The following NAV3 variants were observed in gnomAD, a reference collection of about 807,000 sequenced individuals.
The protein encoded by NAV3 is neuron navigator 3, also known as pore membrane and/or filament interacting like protein 1.
Under a neutral mutation model 244.7 loss-of-function variants are expected in NAV3, and 87 were observed. The observed-to-expected ratio is 0.36, with a 90% confidence interval of 0.30 to 0.42. The LOEUF (loss-of-function observed/expected upper bound fraction) is 0.42. NAV3 is among the 20% of genes least tolerant of loss of function. NAV3 has a pLI of 1.00. For missense variants in NAV3, 2,663 were observed against 2,893.3 expected (o/e 0.92, Z 1.83); for synonymous variants, 1,126 against 1,042.2 (o/e 1.08, Z -1.55).
At position 78,177,233 on chromosome 12, in the gene NAV3, C is replaced by T. The variant is rs202227407; in HGVS notation, c.5217C>T (p.Ser1739=). Reference sequence around the variant, plus strand: ...ACATTGAAGAGCTTACTGATTCATCCCTTCCGGCATCCCCCAAGTTACCCC... The same window carrying T: ...ACATTGAAGAGCTTACTGATTCATCTCTTCCGGCATCCCCCAAGTTACCCC... ...HSDIEELTDS[S]LPASPKLPHN... The change falls in exon 27 of 40, where the codon TCC becomes TCT. Residue 1739 remains serine, a synonymous_variant. Coordinates refer to ENST00000397909, the MANE Select transcript of NAV3 (RefSeq NM_001024383.2). The T allele has an allele frequency of 1.0e-4, 166 of 1,613,418 alleles. No individual in the cohort carries two copies. The highest frequency in any genetic ancestry group is 1.2e-4 in the Non-Finnish European group (146 of 1,179,622).
intron 18 of NAV3, among the ~76,000 whole-genome samples, 166 bp from the exon 19 acceptor site, chr12:78,137,011 G>A (rs1956401375): frequency 1.3e-5 from 2 of 152,062 alleles, no homozygotes; most frequent in Admixed American, 6.6e-5. Context: ...GGGACGCAAT[G>A]GGATCTGTTA....
chr12:78,046,993 C>CT (rs912471628), intron 9 of NAV3, among the ~76,000 whole-genome samples: 3 of 152,162 alleles, frequency 2.0e-5, no homozygotes, highest in African/African-American at 7.2e-5. Context: ...CAATGTCCTT[C>CT]TTTGTCTTTT....
Position 78,127,156 on chromosome 12 carries a change from T to C in NAV3, c.4239-11T>C. ...ACATTATGTCCTTAGGGGTTTTCTT[T>C]GTTTTAACAGCATGCAGCTTGACAG... On this transcript the variant is annotated splice_polypyrimidine_tract_variant and intron_variant, in intron 16 of 39. Coordinates refer to ENST00000397909, the MANE Select transcript of NAV3 (RefSeq NM_001024383.2). 3 of 1,613,582 alleles carry C rather than the reference T, an allele frequency of 1.9e-6. No homozygotes were observed. Among genetic ancestry groups the C allele is most frequent in the Non-Finnish European group, 2.5e-6 (3 of 1,179,678 alleles).
intron 29 of NAV3, 123 bp downstream of exon 29, chr12:78,179,805 T>A: frequency 8.8e-7 from 1 of 1,135,864 alleles, no homozygotes; most frequent in Non-Finnish European, 1.2e-6. Context: ...GTACTCTGTT[T>A]ATTCAGTCTT....
intron 9 of NAV3, among the ~76,000 whole-genome samples, chr12:78,046,060 T>C (rs1397289471): frequency 1.3e-5 from 2 of 152,270 alleles, no homozygotes; most frequent in East Asian, 3.8e-4. Flanking sequence ...TTTGTATTTC[T>C]GTGGGATCAG....
Position 77,726,296 on chromosome 12 carries a change from A to G in NAV3, c.72+154030A>G, listed in dbSNP as rs188231379. ...TGAATATCTTTTTCACAGCCACAGAACACTACAAGGAAAGAATTTACCATC... is the reference window on the plus strand; with the variant it reads ...TGAATATCTTTTTCACAGCCACAGAGCACTACAAGGAAAGAATTTACCATC... On this transcript the variant is annotated intron_variant, in intron 2 of 8. Coordinates refer to the NAV3 transcript ENST00000550042. Among the ~76,000 whole-genome samples, 64 of 152,092 alleles carry G rather than the reference A, an allele frequency of 4.2e-4. 1 individual carries two copies. Among genetic ancestry groups the G allele is most frequent in the Non-Finnish European group, 2.2e-4 (15 of 67,920 alleles).
chr12:78,152,793 A>T (rs1475109492), intron 22 of NAV3, among the ~76,000 whole-genome samples: 2 of 152,020 alleles, frequency 1.3e-5, no homozygotes, highest in Non-Finnish European at 2.9e-5. Context: ...TTAAATCTAC[A>T]GTTCCCATTT....
chr12:78,034,570 T>C (rs1411413773), intron 9 of NAV3, among the ~76,000 whole-genome samples: 1 of 152,228 alleles, frequency 6.6e-6, no homozygotes, highest in Non-Finnish European at 1.5e-5. Context: ...ATTGCTTTTA[T>C]TTACAGATGA....
intron 1 of NAV3, among the ~76,000 whole-genome samples, chr12:77,920,518 C>G (rs1887608646): frequency 6.6e-6 from 1 of 151,908 alleles, no homozygotes; most frequent in Non-Finnish European, 1.5e-5. Context: ...CCAAAAAAAC[C>G]CTTCATGACA....
At chr12:77,590,711 TG>T (rs1691954946) in intron 2 of NAV3, among the ~76,000 whole-genome samples, 2 of 152,224 alleles carry the variant, frequency 1.3e-5, no homozygotes, top group South Asian at 4.1e-4. Context: ...TGCTCATTCA[TG>T]GAGATTATAA....
chr12:77,970,156 A>T (rs1481008215), intron 5 of NAV3, among the ~76,000 whole-genome samples: 1 of 152,130 alleles, frequency 6.6e-6, no homozygotes, highest in African/African-American at 2.4e-5. Flanking sequence ...ATTTTTCTTG[A>T]GGAGAGAGGA....
chr12:78,018,509 A>T (rs1471338555), intron 8 of NAV3, among the ~76,000 whole-genome samples: 1 of 152,202 alleles, frequency 6.6e-6, no homozygotes, highest in Non-Finnish European at 1.5e-5. Context: ...ATCTTTTTTA[A>T]CTAACATGGC....
At chr12:78,020,675 TG>T (rs1877000010) in intron 8 of NAV3, among the ~76,000 whole-genome samples, 2 of 152,308 alleles carry the variant, frequency 1.3e-5, no homozygotes, top group Admixed American at 6.5e-5. Flanking sequence ...CTAATATCAA[TG>T]ATTACTTTTT....
intron 2 of NAV3, among the ~76,000 whole-genome samples, chr12:77,588,932 G>T (rs189300965): frequency 5.3e-5 from 8 of 152,286 alleles, no homozygotes; most frequent in African/African-American, 7.2e-5. Context: ...AATGAAGGCA[G>T]TGGTCTGAAT....
intron 2 of NAV3, among the ~76,000 whole-genome samples, chr12:77,787,634 G>C (rs1870967016): frequency 6.6e-6 from 1 of 152,128 alleles, no homozygotes; most frequent in Non-Finnish European, 1.5e-5. Context: ...AGCAGCGAGG[G>C]GGAAGCTGCC....
intron 1 of NAV3, among the ~76,000 whole-genome samples, chr12:77,849,130 T>A (rs1286448779): frequency 6.6e-6 from 1 of 152,204 alleles, no homozygotes; most frequent in African/African-American, 2.4e-5. Flanking sequence ...AAAATTAAAT[T>A]TATTTAAACT....
At chr12:78,140,877 T>A (rs1298030324) in intron 20 of NAV3, among the ~76,000 whole-genome samples, 1 of 151,538 alleles carries the variant, frequency 6.6e-6, no homozygotes, top group Non-Finnish European at 1.5e-5. Flanking sequence ...CTTTTATTTT[T>A]ATTTTATTTT....
intron 7 of NAV3, among the ~76,000 whole-genome samples, chr12:78,004,235 A>G (rs1873812868): frequency 6.6e-6 from 1 of 152,230 alleles, no homozygotes. Flanking sequence ...TTTAAATGAG[A>G]TACCATGTAT....
intron 12 of NAV3, among the ~76,000 whole-genome samples, chr12:78,092,800 G>A (rs1169299784): frequency 5.9e-5 from 9 of 151,512 alleles, no homozygotes; most frequent in Admixed American, 2.6e-4. Context: ...GCGCCCGGCC[G>A]TGTTAATTAT....
Sources: gnomAD v4.1 joint callset for allele counts (sites outside exome capture counted in the v4.1 genomes callset) on GRCh38, gnomAD v4.1.1 for gene constraint, MANE v1.5 for transcripts, NCBI Gene and HGNC (gene_info 2026-07-23, HGNC 2026-07-21) for gene names.